The following ZNF407 variants were observed in gnomAD, a reference collection of about 807,000 sequenced individuals.
ZNF407 encodes the protein zinc finger protein 407.
Under a neutral mutation model 131.2 loss-of-function variants are expected in ZNF407, and 17 were observed. The ratio of observed to expected loss-of-function variants is 0.13; its 90% CI spans 0.09 to 0.19. The LOEUF (loss-of-function observed/expected upper bound fraction) is 0.19. ZNF407 is among the 10% of genes least tolerant of loss of function. The pLI, the probability that ZNF407 is intolerant of heterozygous loss-of-function variation, is 1.00. For synonymous variants in ZNF407, 1,156 were observed against 1,062.0 expected (o/e 1.09, Z -1.72); for missense variants, 2,681 against 2,830.6 (o/e 0.95, Z 1.20).
chr18:74,928,972 G>T (rs936579973), intron 8 of ZNF407, among the ~76,000 whole-genome samples: 9 of 152,080 alleles, frequency 5.9e-5, no homozygotes, highest in African/African-American at 2.2e-4. Context: ...CTACTGTATA[G>T]TTTAGCGTTC....
At chr18:74,642,314 A>G (rs564753764) in intron 3 of ZNF407, among the ~76,000 whole-genome samples, 1 of 152,266 alleles carries the variant, frequency 6.6e-6, no homozygotes, top group African/African-American at 2.4e-5. Context: ...TTTTAGCTGC[A>G]AGGGTCAGGT....
At chr18:74,728,794 G>A (rs193056059) in intron 3 of ZNF407, among the ~76,000 whole-genome samples, 2 of 152,300 alleles carry the variant, frequency 1.3e-5, no homozygotes, top group Admixed American at 6.5e-5. Context: ...GCAGTGCTGG[G>A]GAGGCTCATC....
intron 3 of ZNF407, among the ~76,000 whole-genome samples, chr18:74,751,944 C>T (rs1968814270): frequency 6.6e-6 from 1 of 152,212 alleles, no homozygotes; most frequent in South Asian, 2.1e-4. Flanking sequence ...GAGGAATCAC[C>T]ACACTGACTT....
At chr18:74,638,045 T>C (rs762913786) in intron 2 of ZNF407, among the ~76,000 whole-genome samples, 6 of 152,238 alleles carry the variant, frequency 3.9e-5, no homozygotes, top group Non-Finnish European at 8.8e-5. Flanking sequence ...TCAAAGCTTT[T>C]ATTTCATGTA....
chr18:74,859,650 G>C (rs1455355353), intron 4 of ZNF407, among the ~76,000 whole-genome samples: 1 of 152,188 alleles, frequency 6.6e-6, no homozygotes, highest in Non-Finnish European at 1.5e-5. Flanking sequence ...TATTGGAATA[G>C]ATTGCCATTT....
At chr18:74,950,413 G>A (rs1225671193) in intron 8 of ZNF407, among the ~76,000 whole-genome samples, 4 of 152,096 alleles carry the variant, frequency 2.6e-5, no homozygotes, top group African/African-American at 9.7e-5. Flanking sequence ...CATTATTTCT[G>A]CTGCTCACAT....
chr18:74,744,032 T>C (rs990144315), intron 3 of ZNF407, among the ~76,000 whole-genome samples: 1 of 152,214 alleles, frequency 6.6e-6, no homozygotes, highest in African/African-American at 2.4e-5. Context: ...ACCTTTTGAT[T>C]AGTTGATTCC....
At chr18:74,625,970 T>A (rs1192637046) in intron 1 of ZNF407, among the ~76,000 whole-genome samples, 3 of 152,212 alleles carry the variant, frequency 2.0e-5, no homozygotes, top group Admixed American at 6.5e-5. Context: ...AATTTAAAAC[T>A]TCTGTTTATC....
At chr18:74,756,201 A>G (rs1968959317) in intron 3 of ZNF407, among the ~76,000 whole-genome samples, 1 of 151,818 alleles carries the variant, frequency 6.6e-6, no homozygotes, top group East Asian at 1.9e-4. Context: ...CATATATTTC[A>G]TTTTTATGCT....
chr18:74,630,316 G>A (rs549981143), intron 1 of ZNF407, among the ~76,000 whole-genome samples: 7 of 151,928 alleles, frequency 4.6e-5, no homozygotes, highest in African/African-American at 1.7e-4. Flanking sequence ...GACTACAGGC[G>A]CCTGCCACCA....
intron 6 of ZNF407, among the ~76,000 whole-genome samples, chr18:74,889,267 C>T (rs113645225): frequency 1.9e-3 from 147 of 77,364 alleles, no homozygotes; most frequent in African/African-American, 6.7e-3. Context: ...TTAAGCACTG[C>T]GTAGCTGTGT....
At chr18:74,947,966 A>G (rs768684706) in intron 8 of ZNF407, among the ~76,000 whole-genome samples, 33 of 152,248 alleles carry the variant, frequency 2.2e-4, no homozygotes, top group Non-Finnish European at 1.5e-4. Context: ...ACCAAGGGTC[A>G]AAGAGAAAAT....
At chr18:74,813,712 T>G (rs1182112483) in intron 4 of ZNF407, among the ~76,000 whole-genome samples, 2 of 152,204 alleles carry the variant, frequency 1.3e-5, no homozygotes, top group Non-Finnish European at 2.9e-5. Context: ...AGGGCCCCTT[T>G]GTCCGCCTCC....
intron 3 of ZNF407, among the ~76,000 whole-genome samples, chr18:74,702,159 A>G (rs1027761283): frequency 2.0e-5 from 3 of 152,172 alleles, no homozygotes; most frequent in Non-Finnish European, 4.4e-5. Context: ...TGTATATTAT[A>G]ATATTACATT....
chr18:74,844,926 G>C (rs1417828701), intron 4 of ZNF407, among the ~76,000 whole-genome samples: 2 of 152,174 alleles, frequency 1.3e-5, no homozygotes, highest in African/African-American at 4.8e-5. Flanking sequence ...GGGCACATAG[G>C]CATCCAACTA....
chr18:74,674,857 C>T (rs474601), intron 3 of ZNF407, among the ~76,000 whole-genome samples: 3,523 of 152,220 alleles, frequency 0.023, 148 homozygotes, highest in African/African-American at 0.08. Flanking sequence ...TGATCCATAC[C>T]CCCTCGCTGG....
At chr18:74,773,217 A>C (rs1969397782) in intron 3 of ZNF407, among the ~76,000 whole-genome samples, 1 of 152,222 alleles carries the variant, frequency 6.6e-6, no homozygotes, top group Non-Finnish European at 1.5e-5. Context: ...AGGAACGAGA[A>C]TCGACAATAG....
chr18:74,603,826 G>A (rs1366412605), intron 1 of ZNF407, among the ~76,000 whole-genome samples: 1 of 152,182 alleles, frequency 6.6e-6, no homozygotes, highest in Non-Finnish European at 1.5e-5. Context: ...GTCTTGATGA[G>A]CTTCCAGTGT....
intron 8 of ZNF407, among the ~76,000 whole-genome samples, chr18:75,033,368 C>G (rs1435879283): frequency 6.6e-6 from 1 of 152,210 alleles, no homozygotes; most frequent in African/African-American, 2.4e-5. Context: ...AAATCTTGTT[C>G]TATATTCAGC....
Sources: gnomAD v4.1 joint callset for allele counts (sites outside exome capture counted in the v4.1 genomes callset) on GRCh38, gnomAD v4.1.1 for gene constraint, MANE v1.5 for transcripts, NCBI Gene and HGNC (gene_info 2026-07-23, HGNC 2026-07-21) for gene names.